NRG3: variants seen among roughly 807,000 people sequenced by gnomAD.
NRG3 encodes neuregulin 3, also known as pro-neuregulin-3, membrane-bound isoform.
NRG3 carries 31 observed loss-of-function variants against 66.9 expected under a neutral mutation model. The observed-to-expected ratio is 0.46, with a 90% CI of 0.35 to 0.63. The LOEUF (loss-of-function observed/expected upper bound fraction) is 0.63. NRG3 is among the 20% of genes least tolerant of loss of function. The pLI is 0.00. For missense variants in NRG3, 910 were observed against 878.9 expected, an observed-to-expected ratio of 1.04 and a Z score of -0.45; for synonymous variants, 393 against 359.4, an observed-to-expected ratio of 1.09 and a Z score of -1.06.
At chr10:82,352,333 A>G (rs2083485323) in intron 1 of NRG3, among the ~76,000 whole-genome samples, 2 of 152,112 alleles carry the variant, frequency 1.3e-5, no homozygotes, top group Admixed American at 6.6e-5. Context: ...AGAATATCCC[A>G]TAGGGTGAGG....
chr10:82,264,256 C>G (rs2078183964), intron 1 of NRG3, among the ~76,000 whole-genome samples: 1 of 152,046 alleles, frequency 6.6e-6, no homozygotes, highest in South Asian at 2.1e-4. Context: ...TGCTGGGGGG[C>G]CTCAGGAAAT....
chr10:81,898,352 A>C (rs1843712776), intron 1 of NRG3, among the ~76,000 whole-genome samples: 1 of 152,182 alleles, frequency 6.6e-6, no homozygotes, highest in African/African-American at 2.4e-5. Context: ...GTTGAAGAAA[A>C]GGTAAAGGAC....
chr10:81,875,692 C>A lies in NRG3; in HGVS notation c.352C>A (p.Pro118Thr). ...MGQDPFFLSK[P>T]SSFPKAMETT... ...CCAGGACCCCTTCTTCCTCTCCAAG[C>A]CCAGCTCTTTCCCCAAGGCCATGGA... The change falls in exon 1 of 9, where the codon CCC becomes ACC. Residue 118 changes from proline to threonine, a missense_variant. Transcript: ENST00000372141. This position sits in a 1 kb window ranked among gnomAD's most constrained non-coding sequence, Gnocchi z 5.3. The A allele has an allele frequency of 6.2e-7, 1 of 1,613,922 alleles. No homozygotes were observed. Among genetic ancestry groups the A allele is most frequent in the Non-Finnish European group, 8.5e-7 (1 of 1,179,980 alleles).
intron 1 of NRG3, among the ~76,000 whole-genome samples, chr10:81,940,871 C>A (rs1161975006): frequency 1.3e-5 from 2 of 152,042 alleles, no homozygotes; most frequent in East Asian, 1.9e-4. Context: ...TATATCCTAT[C>A]ACATCTTGAT....
intron 3 of NRG3, among the ~76,000 whole-genome samples, chr10:82,861,263 A>G (rs2064113287): frequency 6.6e-6 from 1 of 151,388 alleles, no homozygotes. Context: ...GTCAGTTGCC[A>G]TGAATAAGCT....
At chr10:82,365,725 A>G (rs2084477835) in intron 2 of NRG3, among the ~76,000 whole-genome samples, 1 of 152,268 alleles carries the variant, frequency 6.6e-6, no homozygotes, top group East Asian at 1.9e-4. Flanking sequence ...ACAAAAAAGC[A>G]CATTCAACCA....
At chr10:82,669,289 C>A (rs990213902) in intron 2 of NRG3, among the ~76,000 whole-genome samples, 1 of 144,390 alleles carries the variant, frequency 6.9e-6, no homozygotes, top group South Asian at 2.2e-4. Flanking sequence ...TAATAATAAT[C>A]AGAAATAACA....
At chr10:82,409,754 G>T (rs56035147) in intron 2 of NRG3, among the ~76,000 whole-genome samples, 2,892 of 152,174 alleles carry the variant, frequency 0.019, 44 homozygotes, top group Middle Eastern at 0.037. Context: ...GTTCTCTCTT[G>T]GGATCCCTCA....
At chr10:82,246,835 T>C (rs2077269825) in intron 1 of NRG3, among the ~76,000 whole-genome samples, 1 of 152,188 alleles carries the variant, frequency 6.6e-6, no homozygotes, top group African/African-American at 2.4e-5. Flanking sequence ...CCACCTGCTA[T>C]GTGAATGGCC....
chr10:82,787,826 T>A (rs1052747442), intron 3 of NRG3, among the ~76,000 whole-genome samples: 1 of 152,128 alleles, frequency 6.6e-6, no homozygotes, highest in African/African-American at 2.4e-5. Context: ...ACTGGTTGTT[T>A]TGAATTCTGA....
chr10:82,413,813 C>T (rs747042853), intron 2 of NRG3, among the ~76,000 whole-genome samples: 20 of 152,092 alleles, frequency 1.3e-4, no homozygotes, highest in Admixed American at 1.3e-3. Context: ...CCTTAAACCT[C>T]GTGAAGCAAC....
chr10:82,177,076 C>T (rs1479911015), intron 1 of NRG3, among the ~76,000 whole-genome samples: 1 of 151,918 alleles, frequency 6.6e-6, no homozygotes, highest in Non-Finnish European at 1.5e-5. Context: ...ATCTACCTCT[C>T]CGGGTTGTGA....
chr10:82,119,216 G>A (rs1233502740), intron 1 of NRG3, among the ~76,000 whole-genome samples: 2 of 152,182 alleles, frequency 1.3e-5, no homozygotes, highest in Non-Finnish European at 2.9e-5. Context: ...ATACAATACT[G>A]TATTCTTAAC....
At chr10:82,897,750 C>A (rs962101491) in intron 4 of NRG3, among the ~76,000 whole-genome samples, 1 of 152,062 alleles carries the variant, frequency 6.6e-6, no homozygotes, top group South Asian at 2.1e-4. Context: ...GAACTCCAGA[C>A]CTCAGGTGAT....
intron 1 of NRG3, among the ~76,000 whole-genome samples, chr10:82,312,863 G>C (rs1245066250): frequency 6.6e-6 from 1 of 152,006 alleles, no homozygotes; most frequent in Non-Finnish European, 1.5e-5. Flanking sequence ...AAAATGGATT[G>C]ATAATTGAAA....
At chr10:82,890,863 CTTAT>C (rs1156604335) in intron 4 of NRG3, among the ~76,000 whole-genome samples, 2 of 152,052 alleles carry the variant, frequency 1.3e-5, no homozygotes, top group African/African-American at 4.8e-5. Flanking sequence ...GTAGTGATAT[CTTAT>C]TTGTCTCCCC....
chr10:82,111,937 T>C (rs554610024), intron 1 of NRG3, among the ~76,000 whole-genome samples: 3 of 152,276 alleles, frequency 2.0e-5, no homozygotes, highest in East Asian at 3.9e-4. Flanking sequence ...CTCATGTGAA[T>C]TATGCAAATA....
chr10:82,336,663 C>T (rs1435590316), intron 1 of NRG3, among the ~76,000 whole-genome samples: 1 of 151,970 alleles, frequency 6.6e-6, no homozygotes, highest in Non-Finnish European at 1.5e-5. Context: ...GCTGGGATTA[C>T]AGGTGCCCAC....
chr10:82,736,727 A>G (rs1314367055), intron 2 of NRG3, among the ~76,000 whole-genome samples: 1 of 152,250 alleles, frequency 6.6e-6, no homozygotes, highest in Non-Finnish European at 1.5e-5. Context: ...AGAATAATGC[A>G]TTTTAAGTAA....
Sources: allele counts gnomAD v4.1 joint callset (sites outside exome capture counted in the v4.1 genomes callset), GRCh38; gene constraint gnomAD v4.1.1; non-coding constraint Gnocchi (gnomAD v3.1); transcripts MANE v1.5; gene names NCBI Gene and HGNC (gene_info 2026-07-23, HGNC 2026-07-21).